PTPRQ: variants seen among roughly 807,000 people sequenced by gnomAD.
PTPRQ encodes protein tyrosine phosphatase receptor type Q, also known as phosphatidylinositol phosphatase PTPRQ.
Under a neutral mutation model 246.0 loss-of-function variants are expected in PTPRQ, and 199 were observed. The ratio of observed to expected loss-of-function variants is 0.81; its 90% CI spans 0.72 to 0.91. The LOEUF (loss-of-function observed/expected upper bound fraction) is 0.91, where lower values mean the gene tolerates loss of function less well. Ranked by LOEUF, PTPRQ falls within the 40% of genes least tolerant of loss-of-function variation. The pLI, the probability that PTPRQ is intolerant of heterozygous loss-of-function variation, is 0.00. For synonymous variants in PTPRQ, 869 were observed against 853.2 expected (o/e 1.02, Z -0.32); for missense variants, 2,624 against 2,528.4 (o/e 1.04, Z -0.81).
intron 39 of PTPRQ, among the ~76,000 whole-genome samples, chr12:80,663,337 T>C (rs1900690092): frequency 6.6e-6 from 1 of 151,884 alleles, no homozygotes; most frequent in Admixed American, 6.6e-5. Flanking sequence ...TATATTACTC[T>C]GTGTGGAACC....
In PTPRQ at chr12:80,635,027, C is replaced by T. The variant is rs1443898252; in HGVS notation, c.5869C>T (p.Leu1957Phe). The change falls in exon 35 of 45, where the codon CTC (leucine) becomes TTC (phenylalanine). Residue 1957 changes from leucine to phenylalanine, a missense_variant. Physicochemically the swap from Leu to Phe is conservative, Grantham distance 22. Coordinates refer to ENST00000644991, the MANE Select transcript of PTPRQ (RefSeq NM_001145026.2). Reference sequence around the variant, plus strand: ...TGACACTAAATTGAAGCTGGATCAGCTCATCACAGTGGCAGACCTGGAACT... The same window carrying T: ...TGACACTAAATTGAAGCTGGATCAGTTCATCACAGTGGCAGACCTGGAACT... ...IIDTKLKLDQ[L>F]ITVADLELKD... 1.9e-6 allele frequency: 3 copies of T among 1,551,320 alleles called. No individual in the cohort carries two copies. The highest frequency in any genetic ancestry group is 2.7e-5 in the African/African-American group (2 of 73,038).
chr12:80,474,079 T>C (rs1430581451), intron 8 of PTPRQ, among the ~76,000 whole-genome samples: 1 of 152,230 alleles, frequency 6.6e-6, no homozygotes, highest in Non-Finnish European at 1.5e-5. Context: ...ATGCAGTAAA[T>C]GTAGCTTTCT....
chr12:80,562,895 A>G (rs1388959476), intron 25 of PTPRQ, among the ~76,000 whole-genome samples: 3 of 152,114 alleles, frequency 2.0e-5, no homozygotes, highest in African/African-American at 7.2e-5. Flanking sequence ...AAAGAAAAAA[A>G]GAGAAAATTC....
intron 6 of PTPRQ, among the ~76,000 whole-genome samples, chr12:80,461,421 A>C (rs1893164557): frequency 1.3e-5 from 2 of 152,160 alleles, no homozygotes; most frequent in Admixed American, 1.3e-4. Context: ...GCCAGTGTTA[A>C]AATTAAATGA....
chr12:80,484,511 A>G lies in PTPRQ; in HGVS notation c.1265A>G (p.Gln422Arg), dbSNP rs766757071. ...AGAATTACTTGGAAGAAACCACGAC[A>G]ACCAAATGGAATTATTAACCAATAC... The part of the protein sequence containing the change: ...QVRITWKKPR[Q>R]PNGIINQYRV... Residue 422 changes from glutamine to arginine, a missense_variant, in exon 9 of 45, where the codon CAA (glutamine) becomes CGA (arginine). Coordinates refer to ENST00000644991, the MANE Select transcript of PTPRQ (RefSeq NM_001145026.2). The G allele has an allele frequency of 3.0e-5, 46 of 1,551,326 alleles. No individual in the cohort carries two copies. In the South Asian group the frequency reaches 5.2e-4, roughly 18 times the overall value.
In PTPRQ at chr12:80,648,922, A is replaced by C; in HGVS notation, c.5941A>C (p.Lys1981Gln). The C allele has an allele frequency of 6.6e-7, 1 of 1,513,862 alleles. No individual in the cohort carries two copies. The highest frequency in any genetic ancestry group is 8.8e-7 in the Non-Finnish European group (1 of 1,130,642). 93.8% of individuals were successfully genotyped at this position (1,513,862 alleles called of 1,614,324 possible). Residue 1981 changes from lysine (K) to glutamine (Q), a missense_variant and splice_region_variant, in exon 36 of 45, where the codon AAG (lysine) becomes CAG (glutamine). Lys to Gln is a moderately conservative substitution (Grantham distance 53). Transcript: ENST00000644991. ...GTTACTTAGTTATAGAAAATCCATC[A>C]AGTAAGTTTGTTAAATATTTTCTTT... ...TRLLSYRKSIKPISKKSFLQH... is the reference protein window; with the variant it reads ...TRLLSYRKSIQPISKKSFLQH...
chr12:80,623,436 AT>A (rs1366792433), intron 33 of PTPRQ, among the ~76,000 whole-genome samples: 1 of 152,140 alleles, frequency 6.6e-6, no homozygotes, highest in East Asian at 1.9e-4. Flanking sequence ...AAGCTAGCTG[AT>A]TAGTTTTGTG....
intron 33 of PTPRQ, among the ~76,000 whole-genome samples, chr12:80,628,391 A>G (rs556504109): frequency 1.3e-5 from 2 of 152,264 alleles, no homozygotes; most frequent in Admixed American, 6.5e-5. Flanking sequence ...CCAATACAGG[A>G]CAAAAAGATG....
intron 25 of PTPRQ, among the ~76,000 whole-genome samples, chr12:80,577,292 G>A (rs1281259682): frequency 6.6e-6 from 1 of 152,166 alleles, no homozygotes; most frequent in Non-Finnish European, 1.5e-5. Context: ...TACAGTCATG[G>A]CAAAAAGGGA....
At chr12:80,479,680 A>G (rs2120582365) in intron 8 of PTPRQ, among the ~76,000 whole-genome samples, 1 of 142,480 alleles carries the variant, frequency 7.0e-6, no homozygotes, top group Middle Eastern at 3.6e-3. Flanking sequence ...GGATGGAGGA[A>G]GATCTACCAA....
At chr12:80,575,839 CAAA>C (rs201432092) in intron 25 of PTPRQ, among the ~76,000 whole-genome samples, 180 of 47,126 alleles carry the variant, frequency 3.8e-3, no homozygotes, top group African/African-American at 0.012. Context: ...AACCCCATCT[CAAA>C]AAAAAAAAAA....
chr12:80,485,794 T>A (rs1894254453), intron 9 of PTPRQ, among the ~76,000 whole-genome samples: 1 of 152,164 alleles, frequency 6.6e-6, no homozygotes, highest in Non-Finnish European at 1.5e-5. Context: ...TAGTACTAGA[T>A]GACAGGTTTC....
chr12:80,604,556 C>T (rs559498904), intron 26 of PTPRQ, among the ~76,000 whole-genome samples: 1 of 151,616 alleles, frequency 6.6e-6, no homozygotes, highest in Non-Finnish European at 1.5e-5. Flanking sequence ...ATAACCATTT[C>T]ATATTCTCCA....
chr12:80,598,225 C>A (rs992480911), intron 26 of PTPRQ, among the ~76,000 whole-genome samples: 3 of 151,860 alleles, frequency 2.0e-5, no homozygotes, highest in Admixed American at 1.3e-4. Flanking sequence ...CACCACCTTG[C>A]GGTTAGGAAA....
intron 43 of PTPRQ, among the ~76,000 whole-genome samples, chr12:80,674,569 T>C (rs924755906): frequency 6.6e-6 from 1 of 152,156 alleles, no homozygotes; most frequent in African/African-American, 2.4e-5. Flanking sequence ...AGGAAAGATA[T>C]TTGAGCTTCT....
intron 35 of PTPRQ, among the ~76,000 whole-genome samples, chr12:80,646,993 A>T (rs1326397139): frequency 6.6e-6 from 1 of 152,182 alleles, no homozygotes; most frequent in Admixed American, 6.5e-5. Flanking sequence ...GATTATTCAC[A>T]TTTAATGTCT....
intron 26 of PTPRQ, among the ~76,000 whole-genome samples, chr12:80,591,835 A>T (rs984877408): frequency 5.9e-5 from 9 of 152,142 alleles, no homozygotes; most frequent in African/African-American, 1.9e-4. Context: ...TCCTATTCTG[A>T]GTATCTCACT....
chr12:80,572,554 A>G (rs896634615), intron 25 of PTPRQ, among the ~76,000 whole-genome samples: 71 of 152,270 alleles, frequency 4.7e-4, no homozygotes, highest in African/African-American at 1.6e-3. Flanking sequence ...ACAGTGTTAA[A>G]CAGAGGTGAT....
intron 8 of PTPRQ, among the ~76,000 whole-genome samples, chr12:80,472,821 G>C (rs7980649): frequency 6.6e-6 from 1 of 151,948 alleles, no homozygotes; most frequent in Non-Finnish European, 1.5e-5. Flanking sequence ...ACTTTAAAAA[G>C]AATGTTTCCA....
Sources: allele counts gnomAD v4.1 joint callset (sites outside exome capture counted in the v4.1 genomes callset), GRCh38; gene constraint gnomAD v4.1.1; transcripts MANE v1.5; gene names NCBI Gene and HGNC (gene_info 2026-07-23, HGNC 2026-07-21).